CSMD1: variants seen among roughly 807,000 people sequenced by gnomAD.
CSMD1 encodes the protein CUB and sushi domain-containing protein 1.
CSMD1 carries 213 observed loss-of-function variants against 417.5 expected under a neutral mutation model. The ratio of observed to expected loss-of-function variants is 0.51; its 90% CI spans 0.46 to 0.57. The LOEUF is 0.57. CSMD1 is among the 20% of genes least tolerant of loss of function. CSMD1 has a pLI of 0.00. For missense variants in CSMD1, 6,923 were observed against 4,529.7 expected (o/e 1.53, Z -15.17); for synonymous variants, 2,862 against 1,736.8 (o/e 1.65, Z -16.11).
At chr8:3,639,509 A>G (rs73493692) in intron 7 of CSMD1, among the ~76,000 whole-genome samples, 3,641 of 152,330 alleles carry the variant, frequency 0.024, 141 homozygotes, top group African/African-American at 0.083. Context: ...AAATGACAGT[A>G]AAAGACACAG....
chr8:3,857,654 G>C (rs776576909), intron 5 of CSMD1, among the ~76,000 whole-genome samples: 39 of 152,098 alleles, frequency 2.6e-4, no homozygotes, highest in Non-Finnish European at 4.6e-4. Context: ...CAGATGGTCC[G>C]AATGAGTGGA....
intron 2 of CSMD1, among the ~76,000 whole-genome samples, chr8:4,442,709 T>A (rs574559946): frequency 6.6e-6 from 1 of 152,290 alleles, no homozygotes; most frequent in Non-Finnish European, 1.5e-5. Flanking sequence ...TTCCCCGAAA[T>A]GTGTATTTGT....
chr8:3,233,309 G>T (rs1199191558), intron 26 of CSMD1, among the ~76,000 whole-genome samples: 5 of 152,180 alleles, frequency 3.3e-5, no homozygotes, highest in African/African-American at 1.2e-4. Context: ...TTTATAGGAA[G>T]AGTGACCTGA....
At chr8:4,147,560 T>G (rs940985561) in intron 3 of CSMD1, among the ~76,000 whole-genome samples, 1 of 152,182 alleles carries the variant, frequency 6.6e-6, no homozygotes, top group Non-Finnish European at 1.5e-5. Flanking sequence ...TGTATAAACC[T>G]GTTTCTGGAT....
intron 1 of CSMD1, among the ~76,000 whole-genome samples, chr8:4,990,513 G>T (rs368774262): frequency 3.9e-5 from 6 of 152,098 alleles, no homozygotes; most frequent in Non-Finnish European, 1.5e-5. Flanking sequence ...ACAGGCATGC[G>T]CCACCACGCC....
intron 3 of CSMD1, among the ~76,000 whole-genome samples, chr8:4,074,783 T>C (rs1799736256): frequency 6.6e-6 from 1 of 152,168 alleles, no homozygotes; most frequent in South Asian, 2.1e-4. Flanking sequence ...AGTAGTTCTC[T>C]TTAGTTATGA....
chr8:4,277,775 T>C (rs2128857068), intron 3 of CSMD1, among the ~76,000 whole-genome samples: 1 of 152,258 alleles, frequency 6.6e-6, no homozygotes, highest in Middle Eastern at 3.4e-3. Flanking sequence ...TGAGACGGAG[T>C]CTCACTCTGT....
rs1807967475 is a variant in CSMD1, at chr8:4,941,104, G to A, written c.85+53228C>T. 2.6e-5 allele frequency among the ~76,000 whole-genome samples: 4 copies of A among 152,210 alleles called. No individual in the cohort carries two copies. In the South Asian group the frequency reaches 8.3e-4, roughly 32 times the overall value. ...AAACATAATTATATTGAATTTTGGA[G>A]TTTGTCTTTCGCCTCTGATTTTGAC... On this transcript the variant is annotated intron_variant, in intron 1 of 69. Transcript: ENST00000635120.
intron 5 of CSMD1, among the ~76,000 whole-genome samples, chr8:3,807,541 G>C (rs956332931): frequency 1.3e-5 from 2 of 152,124 alleles, no homozygotes; most frequent in African/African-American, 4.8e-5. Flanking sequence ...CTAATGATAT[G>C]TTAATTAGTT....
rs77191771 is a variant in CSMD1, at chr8:4,375,251, G to T, written c.415+44702C>A. Among the ~76,000 whole-genome samples, 1,160 of 152,242 alleles carry T rather than the reference G, an allele frequency of 7.6e-3. 17 individuals are homozygous for T. Among genetic ancestry groups the T allele is most frequent in the African/African-American group, 0.026 (1,069 of 41,542 alleles). On this transcript the variant is annotated intron_variant, in intron 3 of 69. Transcript: ENST00000635120. Reference sequence around the variant, plus strand: ...GATGGTCTTAGAATACATAAAACATGCAGTTGTCCATAAACAGACTTCAGG... The same window carrying T: ...GATGGTCTTAGAATACATAAAACATTCAGTTGTCCATAAACAGACTTCAGG...
chr8:4,522,327 G>C (rs187029957), intron 2 of CSMD1, among the ~76,000 whole-genome samples: 1 of 152,170 alleles, frequency 6.6e-6, no homozygotes, highest in Non-Finnish European at 1.5e-5. Flanking sequence ...GGAACTGTGA[G>C]TCTAATCAAG....
At chr8:4,411,229 T>A (rs1796635767) in intron 3 of CSMD1, among the ~76,000 whole-genome samples, 2 of 152,170 alleles carry the variant, frequency 1.3e-5, no homozygotes, top group African/African-American at 4.8e-5. Flanking sequence ...AAATATTAAT[T>A]AATACATATT....
At chr8:3,588,908 T>C (rs1286190415) in intron 8 of CSMD1, among the ~76,000 whole-genome samples, 1 of 151,976 alleles carries the variant, frequency 6.6e-6, no homozygotes, top group Non-Finnish European at 1.5e-5. Flanking sequence ...CCATGTAACA[T>C]ATGGGCAAAG....
chr8:3,272,711 C>A (rs564289953), intron 26 of CSMD1, among the ~76,000 whole-genome samples: 33 of 145,446 alleles, frequency 2.3e-4, no homozygotes, highest in Middle Eastern at 6.9e-3. Context: ...TGGGAGTTCA[C>A]TCCTGATTTG....
In CSMD1 at chr8:3,064,277, G is replaced by C. The variant is rs149881749; in HGVS notation, c.7475-11630C>G. Among the ~76,000 whole-genome samples the C allele has an allele frequency of 8.1e-3, 1,238 of 152,302 alleles. 18 individuals carry two copies. The highest frequency in any genetic ancestry group is 0.028 in the African/African-American group (1,161 of 41,568). On this transcript the variant is annotated intron_variant, in intron 49 of 69. Coordinates refer to ENST00000635120, the MANE Select transcript of CSMD1 (RefSeq NM_033225.6). ...TCTCATGTTGAATTGGCGGGGCCTG[G>C]TGGGAGGTGACTGGATCATGAAGGC...
At chr8:4,180,748 G>T (rs1026288780) in intron 3 of CSMD1, among the ~76,000 whole-genome samples, 3 of 152,076 alleles carry the variant, frequency 2.0e-5, no homozygotes, top group African/African-American at 7.2e-5. Flanking sequence ...CTAACTGTTA[G>T]AATTCCTTCT....
chr8:3,395,718 G>C (rs564041868), intron 17 of CSMD1, among the ~76,000 whole-genome samples: 2 of 151,958 alleles, frequency 1.3e-5, no homozygotes, highest in Non-Finnish European at 2.9e-5. Context: ...TAATTCCTTC[G>C]CCTCTTGTTA....
chr8:4,789,529 G>A (rs543712190), intron 1 of CSMD1, among the ~76,000 whole-genome samples: 1 of 152,078 alleles, frequency 6.6e-6, no homozygotes, highest in Non-Finnish European at 1.5e-5. Context: ...ATTTTACTGT[G>A]CATCTACCTG....
intron 5 of CSMD1, among the ~76,000 whole-genome samples, chr8:3,809,867 A>T (rs942004444): frequency 6.6e-6 from 1 of 152,162 alleles, no homozygotes; most frequent in African/African-American, 2.4e-5. Flanking sequence ...TGAGAACGTC[A>T]ATATCACCCG....
Sources: allele counts gnomAD v4.1 joint callset (sites outside exome capture counted in the v4.1 genomes callset), GRCh38; gene constraint gnomAD v4.1.1; transcripts MANE v1.5; gene names NCBI Gene and HGNC (gene_info 2026-07-23, HGNC 2026-07-21).